The following ZNRF2 variants were observed in gnomAD, a reference collection of about 807,000 sequenced individuals.
The protein encoded by ZNRF2 is E3 ubiquitin-protein ligase ZNRF2.
Under a neutral mutation model 20.4 loss-of-function variants are expected in ZNRF2, and 16 were observed. The observed-to-expected ratio is 0.79, with a 90% CI of 0.53 to 1.19. The LOEUF (loss-of-function observed/expected upper bound fraction) is 1.19, where lower values mean the gene tolerates loss of function less well. ZNRF2 is among the 50% of genes most tolerant of loss of function. ZNRF2 has a pLI of 0.00. For synonymous variants in ZNRF2, 178 were observed against 144.9 expected, an observed-to-expected ratio of 1.23 and a Z score of -1.64; for missense variants, 363 against 332.4, an observed-to-expected ratio of 1.09 and a Z score of -0.72.
intron 1 of ZNRF2, among the ~76,000 whole-genome samples, chr7:30,307,326 GT>G (rs78007797): frequency 0.092 from 3,977 of 43,252 alleles, 98 homozygotes; most frequent in East Asian, 0.17. Context: ...GTTTTTTTTT[GT>G]TTTTTTTTTT....
intron 2 of ZNRF2, among the ~76,000 whole-genome samples, chr7:30,349,624 A>T (rs1799933892): frequency 6.6e-6 from 1 of 151,990 alleles, no homozygotes; most frequent in African/African-American, 2.4e-5. Context: ...AGATTGCTGG[A>T]CTCTTTTATT....
intron 2 of ZNRF2, among the ~76,000 whole-genome samples, chr7:30,348,786 G>C (rs1210833903): frequency 2.0e-5 from 3 of 152,100 alleles, no homozygotes; most frequent in Non-Finnish European, 2.9e-5. Context: ...TTATAAAATA[G>C]TTAAGATGAG....
In ZNRF2 at chr7:30,334,604, T is replaced by C. The variant is rs150858022; in HGVS notation, c.565+10867T>C. On this transcript the variant is annotated intron_variant, in intron 2 of 4. Transcript: ENST00000323037. ...CTCTATTATCTAACATGCTAACAAA[T>C]CTAAAATTTTTCTTTCGATATTTTA... 1.8e-4 allele frequency among the ~76,000 whole-genome samples: 27 copies of C among 152,294 alleles called. No homozygotes were observed. In the East Asian group the frequency reaches 5.2e-3, roughly 29 times the overall value.
intron 2 of ZNRF2, among the ~76,000 whole-genome samples, chr7:30,334,769 G>A (rs1799691247): frequency 6.6e-6 from 1 of 152,124 alleles, no homozygotes; most frequent in Non-Finnish European, 1.5e-5. Context: ...GCAACTTAAA[G>A]CTACAGTTTA....
intron 1 of ZNRF2, 46 bp from the exon 2 acceptor site, chr7:30,323,595 TG>T: frequency 7.9e-7 from 1 of 1,257,948 alleles, no homozygotes; most frequent in Non-Finnish European, 1.1e-6. Flanking sequence ...AAGCCATAGC[TG>T]GATATTCAGA....
At chr7:30,313,916 C>T (rs1799327494) in intron 1 of ZNRF2, among the ~76,000 whole-genome samples, 2 of 152,136 alleles carry the variant, frequency 1.3e-5, no homozygotes, top group African/African-American at 4.8e-5. Context: ...CCACTGATCC[C>T]TAGGTCCTTG....
intron 2 of ZNRF2, among the ~76,000 whole-genome samples, chr7:30,346,082 A>ATT (rs368077717): frequency 7.8e-5 from 9 of 114,924 alleles, no homozygotes; most frequent in African/African-American, 2.9e-4. Context: ...CGCCCAAAAT[A>ATT]TTTTTTCATT....
intron 1 of ZNRF2, among the ~76,000 whole-genome samples, chr7:30,311,238 A>G (rs1799288072): frequency 6.6e-6 from 1 of 152,122 alleles, no homozygotes; most frequent in Admixed American, 6.5e-5. Context: ...CCTGCACTTT[A>G]CCAACCCCAG....
At chr7:30,365,928 GTTC>G (rs1800207065) in intron 4 of ZNRF2, 104 bp from the exon 5 acceptor site, 1 of 152,056 alleles carries the variant, frequency 6.6e-6, no homozygotes, top group South Asian at 2.1e-4. Flanking sequence ...TTCTTAATCT[GTTC>G]TTCTCCAGAT....
chr7:30,321,446 C>A (rs1799467944), intron 1 of ZNRF2, among the ~76,000 whole-genome samples: 1 of 151,796 alleles, frequency 6.6e-6, no homozygotes, highest in African/African-American at 2.4e-5. Context: ...TTCTTTAACT[C>A]ATTTTTATTA....
intron 1 of ZNRF2, among the ~76,000 whole-genome samples, chr7:30,301,716 A>AC (rs1362044237): frequency 2.0e-5 from 3 of 151,608 alleles, no homozygotes; most frequent in Non-Finnish European, 4.4e-5. Context: ...AAAAAAAAAA[A>AC]AAAAAAACTT....
chr7:30,286,976 C>A (rs1249962757), intron 1 of ZNRF2, among the ~76,000 whole-genome samples: 2 of 152,188 alleles, frequency 1.3e-5, no homozygotes, highest in Non-Finnish European at 2.9e-5. Context: ...TCAGCACACA[C>A]GCCAGCATAA....
intron 1 of ZNRF2, among the ~76,000 whole-genome samples, chr7:30,293,937 T>C (rs899096569): frequency 6.6e-5 from 10 of 152,216 alleles, no homozygotes; most frequent in Non-Finnish European, 1.5e-4. Context: ...ATTTACCTAT[T>C]TATATGTGAG....
chr7:30,351,836 T>C (rs556470075), intron 2 of ZNRF2, among the ~76,000 whole-genome samples: 2 of 152,152 alleles, frequency 1.3e-5, no homozygotes, highest in Admixed American at 6.5e-5. Context: ...TTTTAAAATA[T>C]AGAATGAAGC....
chr7:30,286,946 C>A (rs751183604), intron 1 of ZNRF2, among the ~76,000 whole-genome samples: 1 of 152,078 alleles, frequency 6.6e-6, no homozygotes, highest in Non-Finnish European at 1.5e-5. Context: ...GTAATTTATC[C>A]GTTCTCATGT....
At chr7:30,289,639 A>G (rs968767385) in intron 1 of ZNRF2, among the ~76,000 whole-genome samples, 5 of 152,046 alleles carry the variant, frequency 3.3e-5, no homozygotes, top group Non-Finnish European at 5.9e-5. Flanking sequence ...CCTTCGTGTT[A>G]CATGTTTTGC....
chr7:30,363,260 C>T (rs776392906), intron 4 of ZNRF2, among the ~76,000 whole-genome samples: 2 of 152,126 alleles, frequency 1.3e-5, no homozygotes, highest in Non-Finnish European at 2.9e-5. Flanking sequence ...AATAATAATT[C>T]TAATCATTTA....
intron 2 of ZNRF2, among the ~76,000 whole-genome samples, chr7:30,326,552 G>A (rs1419557023): frequency 1.3e-5 from 2 of 152,166 alleles, no homozygotes; most frequent in Non-Finnish European, 2.9e-5. Flanking sequence ...GGGCATTTAG[G>A]TTGATTCCAT....
chr7:30,348,056 T>C (rs1164408024), intron 2 of ZNRF2, among the ~76,000 whole-genome samples: 9 of 152,012 alleles, frequency 5.9e-5, no homozygotes. Flanking sequence ...CACCCACATA[T>C]ACTAATAAAC....
Sources: allele counts gnomAD v4.1 joint callset (sites outside exome capture counted in the v4.1 genomes callset), GRCh38; gene constraint gnomAD v4.1.1; transcripts MANE v1.5; gene names NCBI Gene and HGNC (gene_info 2026-07-23, HGNC 2026-07-21).